VAV3: variants seen among roughly 807,000 people sequenced by gnomAD.
VAV3 encodes the protein vav guanine nucleotide exchange factor 3, also known as guanine nucleotide exchange factor VAV3.
Under a neutral mutation model 131.2 loss-of-function variants are expected in VAV3, and 94 were observed. That is an observed-to-expected ratio of 0.72 (90% CI 0.61 to 0.85). VAV3 has a LOEUF of 0.85. VAV3 is among the 40% of genes least tolerant of loss of function. VAV3 has a pLI of 0.00. For missense variants in VAV3, 939 were observed against 1,002.7 expected, an observed-to-expected ratio of 0.94 and a Z score of 0.86; for synonymous variants, 349 against 342.0, an observed-to-expected ratio of 1.02 and a Z score of -0.22.
chr1:107,652,489 G>C (rs2101579637), intron 19 of VAV3, among the ~76,000 whole-genome samples: 1 of 152,222 alleles, frequency 6.6e-6, no homozygotes, highest in East Asian at 1.9e-4. Flanking sequence ...TCTTGTGCAA[G>C]ATCCAAGAAC....
intron 15 of VAV3, among the ~76,000 whole-genome samples, chr1:107,740,708 A>G (rs915161688): frequency 2.0e-5 from 3 of 152,220 alleles, no homozygotes; most frequent in Non-Finnish European, 2.9e-5. Flanking sequence ...TCTAGGCCTA[A>G]GTCATCTTAT....
chr1:107,736,593 T>G (rs903126776), intron 15 of VAV3, among the ~76,000 whole-genome samples: 20 of 152,084 alleles, frequency 1.3e-4, no homozygotes, highest in Admixed American at 4.6e-4. Flanking sequence ...ATGAGTGAAC[T>G]CCCATTCACA....
At chr1:107,760,398 T>C (rs1664344381) in intron 10 of VAV3, among the ~76,000 whole-genome samples, 2 of 152,232 alleles carry the variant, frequency 1.3e-5, no homozygotes, top group Admixed American at 1.3e-4. Context: ...TTTGGCTTAC[T>C]GTTACAAGGG....
chr1:107,796,149 T>C (rs1666526437), intron 2 of VAV3, among the ~76,000 whole-genome samples: 1 of 152,156 alleles, frequency 6.6e-6, no homozygotes, highest in Non-Finnish European at 1.5e-5. Flanking sequence ...CCAATGTGAC[T>C]GCCTCAAAAT....
chr1:107,855,313 G>A (rs761569291), intron 2 of VAV3, among the ~76,000 whole-genome samples: 11 of 152,112 alleles, frequency 7.2e-5, no homozygotes, highest in Non-Finnish European at 1.5e-4. Context: ...GTCTTGCTCT[G>A]TCACCCAGGC....
At chr1:107,766,423 C>G in intron 8 of VAV3, 24 bp downstream of exon 8, 2 of 1,536,348 alleles carry the variant, frequency 1.3e-6, no homozygotes, top group South Asian at 2.3e-5. Flanking sequence ...CTAAGACCCA[C>G]AAAACTTAAA....
chr1:107,724,460 C>G (rs1661705644), intron 15 of VAV3, among the ~76,000 whole-genome samples: 1 of 152,090 alleles, frequency 6.6e-6, no homozygotes, highest in Non-Finnish European at 1.5e-5. Flanking sequence ...TGATGAGTAC[C>G]AAGCATTGTA....
At chr1:107,578,947 A>G in intron 25 of VAV3, 2 of 975,936 alleles carry the variant, frequency 2.0e-6, no homozygotes, top group Non-Finnish European at 2.4e-6. Flanking sequence ...AAATAATTTC[A>G]ACAATAGGTA....
intron 1 of VAV3, 110 bp from the exon 2 acceptor site, chr1:107,875,127 T>TGC: frequency 1.0e-6 from 1 of 957,724 alleles, no homozygotes; most frequent in Non-Finnish European, 1.6e-6. Flanking sequence ...TCAAGCAGCC[T>TGC]TTGAAGTTGC....
intron 2 of VAV3, among the ~76,000 whole-genome samples, chr1:107,799,214 C>T: frequency 6.6e-6 from 1 of 151,800 alleles, no homozygotes; most frequent in East Asian, 1.9e-4. Flanking sequence ...CTTGGGTAGT[C>T]CCCTGGCATA....
At chr1:107,926,676 G>A (rs1265789338) in intron 1 of VAV3, among the ~76,000 whole-genome samples, 1 of 152,096 alleles carries the variant, frequency 6.6e-6, no homozygotes. Flanking sequence ...ATTTAACTCA[G>A]TGTTGCCCCA....
intron 2 of VAV3, among the ~76,000 whole-genome samples, chr1:107,829,131 A>C (rs941943010): frequency 1.3e-5 from 2 of 152,234 alleles, no homozygotes; most frequent in Non-Finnish European, 2.9e-5. Context: ...GAGAGATGTT[A>C]GTAAAATAAA....
rs1368584646 is a variant in VAV3, at chr1:107,964,660, C to T, written c.204+6G>A. On this transcript the variant is annotated splice_donor_region_variant and intron_variant, in intron 1 of 26. Transcript: ENST00000370056. ...GGAGGCGGGGCGCCCGTGCCGGCCT[C>T]CTCACCTGGGACATCTGCGGCCTCA... 1 of 1,610,366 alleles carries T rather than the reference C, an allele frequency of 6.2e-7. No homozygotes were observed. Among genetic ancestry groups the T allele is most frequent in the Non-Finnish European group, 8.5e-7 (1 of 1,178,076 alleles).
chr1:107,695,656 A>G (rs1019146990), intron 17 of VAV3, among the ~76,000 whole-genome samples: 2 of 152,136 alleles, frequency 1.3e-5, no homozygotes, highest in African/African-American at 4.8e-5. Flanking sequence ...ATACTTCAGG[A>G]GAGAAGTTTC....
rs72977680 is a variant in VAV3, at chr1:107,708,687, T to C, written c.1503-3626A>G. On this transcript the variant is annotated intron_variant, in intron 15 of 26. Transcript: ENST00000370056. ...CTCCTCAGGCATCTCAAATGCAGCA[T>C]ATACAAAACTCAACTTCCATGTGTT... Among the ~76,000 whole-genome samples, 810 of 152,270 alleles carry C rather than the reference T, an allele frequency of 5.3e-3. 10 individuals are homozygous for C. Among genetic ancestry groups the C allele is most frequent in the African/African-American group, 0.017 (712 of 41,544 alleles).
At chr1:107,860,779 C>A (rs984219939) in intron 2 of VAV3, among the ~76,000 whole-genome samples, 2 of 151,506 alleles carry the variant, frequency 1.3e-5, no homozygotes, top group Non-Finnish European at 2.9e-5. Flanking sequence ...ACTTGCAGTC[C>A]CGGCTACTCA....
chr1:107,826,130 G>C (rs1667999543), intron 2 of VAV3, among the ~76,000 whole-genome samples: 1 of 151,894 alleles, frequency 6.6e-6, no homozygotes, highest in African/African-American at 2.4e-5. Context: ...TTTAACTTAA[G>C]GAGCTAAATC....
chr1:107,890,880 C>T lies in VAV3; in HGVS notation c.205-15863G>A, dbSNP rs28477098. Among the ~76,000 whole-genome samples the T allele has an allele frequency of 4.1e-3, 628 of 152,298 alleles. 5 individuals are homozygous for T. Among genetic ancestry groups the T allele is most frequent in the African/African-American group, 0.014 (590 of 41,572 alleles). On this transcript the variant is annotated intron_variant, in intron 1 of 26. Coordinates refer to ENST00000370056, the MANE Select transcript of VAV3 (RefSeq NM_006113.5). ...AGATCATTCTAGAACTCTCTTCTCC[C>T]TAATTAGGTATTTATAAGCTGTTTC...
intron 25 of VAV3, among the ~76,000 whole-genome samples, chr1:107,584,360 T>C (rs1279568771): frequency 6.6e-6 from 1 of 152,212 alleles, no homozygotes; most frequent in Non-Finnish European, 1.5e-5. Context: ...AAGGACTTCA[T>C]GTCTAAAACA....
Sources: allele counts gnomAD v4.1 joint callset (sites outside exome capture counted in the v4.1 genomes callset), GRCh38; gene constraint gnomAD v4.1.1; transcripts MANE v1.5; gene names NCBI Gene and HGNC (gene_info 2026-07-23, HGNC 2026-07-21).